Variants in RTL4 observed in about 807,000 individuals in gnomAD.
RTL4 encodes retrotransposon Gag like 4.
A neutral mutation model predicts 5.3 loss-of-function variants in RTL4; 4 were observed. The ratio of observed to expected loss-of-function variants is 0.75; its 90% CI spans 0.37 to 1.72. RTL4 has a LOEUF of 1.72. Among genes scored for constraint, RTL4 ranks in the 40% most tolerant of loss-of-function variants. The pLI, the probability that RTL4 is intolerant of heterozygous loss-of-function variation, is 0.04. For synonymous variants in RTL4, 98 were observed against 87.3 expected, an observed-to-expected ratio of 1.12 and a Z score of -0.68; for missense variants, 260 against 227.1, an observed-to-expected ratio of 1.14 and a Z score of -0.93.
At chrX:112,381,328 T>A in the RTL4 span, 2,867 of 1,208,254 alleles carry the variant, frequency 2.4e-3, 30 homozygotes, top group East Asian at 0.029. Context: ...TAATAAATAA[T>A]TTTGTCAAGC....
At chrX:112,342,200 C>T in the RTL4 span, among the ~76,000 whole-genome samples, 1 of 110,997 alleles carries the variant, frequency 9.0e-6, no homozygotes, top group Admixed American at 9.7e-5. Flanking sequence ...ATGGTATCTA[C>T]CATACCAGGA....
the RTL4 span, among the ~76,000 whole-genome samples, chrX:112,274,590 G>A: frequency 1.1e-4 from 12 of 111,524 alleles, no homozygotes; most frequent in African/African-American, 3.3e-4. Context: ...ACACAAAAGC[G>A]CAGAGGTAGG....
the RTL4 span, among the ~76,000 whole-genome samples, chrX:112,277,873 C>A: frequency 9.0e-6 from 1 of 111,391 alleles, no homozygotes; most frequent in Non-Finnish European, 1.9e-5. Flanking sequence ...TACTGAAATC[C>A]CAGCCTTTTC....
the RTL4 span, among the ~76,000 whole-genome samples, chrX:112,234,173 CAG>C: frequency 1.8e-5 from 2 of 110,611 alleles, no homozygotes; most frequent in African/African-American, 3.3e-5. Flanking sequence ...GCCTGGGCGA[CAG>C]AGTGAGACTC....
At chrX:112,280,050 G>GA in the RTL4 span, among the ~76,000 whole-genome samples, 1 of 110,664 alleles carries the variant, frequency 9.0e-6, no homozygotes, top group East Asian at 2.8e-4. Flanking sequence ...GGTGGGTAGG[G>GA]AAAAAAAAGA....
At chrX:112,192,022 G>A in the RTL4 span, among the ~76,000 whole-genome samples, 1 of 100,261 alleles carries the variant, frequency 1.0e-5, no homozygotes, top group South Asian at 4.4e-4. Context: ...AAAGGGAATT[G>A]TTTTCTTAAT....
chrX:112,131,203 T>C, the RTL4 span, among the ~76,000 whole-genome samples: 10 of 82,050 alleles, frequency 1.2e-4, no homozygotes, highest in African/African-American at 4.8e-4. Flanking sequence ...TAAAAACATC[T>C]AAGGTATGTA....
At chrX:112,330,139 A>C in the RTL4 span, among the ~76,000 whole-genome samples, 1 of 98,536 alleles carries the variant, frequency 1.0e-5, no homozygotes, top group African/African-American at 3.8e-5. Flanking sequence ...TATTCAACAT[A>C]GTGTTGGAAG....
the RTL4 span, among the ~76,000 whole-genome samples, chrX:112,275,208 G>A: frequency 9.5e-6 from 1 of 105,570 alleles, no homozygotes; most frequent in Non-Finnish European, 1.9e-5. Context: ...TTTCCAGTCT[G>A]GTAGCTAGCT....
At chrX:112,385,063 T>G in the RTL4 span, among the ~76,000 whole-genome samples, 1 of 111,531 alleles carries the variant, frequency 9.0e-6, no homozygotes, top group Non-Finnish European at 1.9e-5. Context: ...TTATTTTGTA[T>G]CTTATTATTG....
the RTL4 span, among the ~76,000 whole-genome samples, chrX:112,287,291 C>G: frequency 1.8e-5 from 2 of 111,531 alleles, no homozygotes; most frequent in African/African-American, 6.5e-5. Flanking sequence ...GGAAAAAACT[C>G]CTGACCAAAA....
At chrX:112,356,372 G>A in the RTL4 span, among the ~76,000 whole-genome samples, 1 of 111,320 alleles carries the variant, frequency 9.0e-6, no homozygotes, top group African/African-American at 3.3e-5. Flanking sequence ...CTCATCCTTT[G>A]CCTTAGTGCT....
At chrX:112,238,401 A>G in the RTL4 span, among the ~76,000 whole-genome samples, 1 of 111,819 alleles carries the variant, frequency 8.9e-6, no homozygotes, top group Non-Finnish European at 1.9e-5. Flanking sequence ...TGATATATAC[A>G]GATCTAGTTC....
chrX:112,379,991 C>T, the RTL4 span, among the ~76,000 whole-genome samples: 4 of 111,172 alleles, frequency 3.6e-5, no homozygotes, highest in Admixed American at 2.9e-4. Flanking sequence ...ACTAAACTCA[C>T]ATATCTCAAC....
the RTL4 span, among the ~76,000 whole-genome samples, chrX:112,357,057 ATATAT>A: frequency 2.7e-5 from 3 of 111,596 alleles, no homozygotes; most frequent in African/African-American, 6.5e-5. Flanking sequence ...AGGCAGGGAA[ATATAT>A]TAGATTATGT....
the RTL4 span, among the ~76,000 whole-genome samples, chrX:112,147,694 T>G: frequency 8.9e-6 from 1 of 112,122 alleles, no homozygotes; most frequent in African/African-American, 3.2e-5. Flanking sequence ...ATCCCAGCAC[T>G]TTGGGAGGCC....
chrX:112,096,373 A>G, the RTL4 span, among the ~76,000 whole-genome samples: 2 of 111,760 alleles, frequency 1.8e-5, no homozygotes, highest in East Asian at 5.7e-4. Context: ...CCATTTGTCA[A>G]TAAGGGATTT....
the RTL4 span, among the ~76,000 whole-genome samples, chrX:112,406,846 C>T: frequency 1.8e-5 from 2 of 109,730 alleles, no homozygotes; most frequent in African/African-American, 3.3e-5. Flanking sequence ...AGTCAGTCTT[C>T]GGGCCCCCTT....
the RTL4 span, among the ~76,000 whole-genome samples, chrX:112,254,174 C>T: frequency 1.8e-5 from 2 of 111,607 alleles, no homozygotes; most frequent in Admixed American, 9.6e-5. Flanking sequence ...ATGATAACAT[C>T]GGTTAAGCTT....
Sources: allele counts gnomAD v4.1 joint callset (sites outside exome capture counted in the v4.1 genomes callset), GRCh38; gene constraint gnomAD v4.1.1; transcripts MANE v1.5; gene names NCBI Gene and HGNC (gene_info 2026-07-23, HGNC 2026-07-21).